The following ABCB4 variants were observed in gnomAD, a reference collection of about 807,000 sequenced individuals.
ABCB4 encodes the protein phosphatidylcholine translocator ABCB4.
A neutral mutation model predicts 145.7 loss-of-function variants in ABCB4; 76 were observed. The observed-to-expected ratio is 0.52, with a 90% CI of 0.43 to 0.63. The LOEUF (loss-of-function observed/expected upper bound fraction) is 0.63, where lower values mean the gene tolerates loss of function less well. Among genes scored for constraint, ABCB4 ranks in the 30% least tolerant of loss-of-function variants. ABCB4 has a pLI of 0.00. For missense variants in ABCB4, 1,234 were observed against 1,553.1 expected, an observed-to-expected ratio of 0.79 and a Z score of 3.45; for synonymous variants, 517 against 566.8, an observed-to-expected ratio of 0.91 and a Z score of 1.25.
intron 12 of ABCB4, among the ~76,000 whole-genome samples, chr7:87,441,628 C>A (rs45484095): frequency 6.6e-6 from 1 of 150,994 alleles, no homozygotes; most frequent in East Asian, 1.9e-4. Context: ...GTCACTCAGG[C>A]TTTGGAGGAG....
At chr7:87,475,517 G>C (rs753603342) in intron 1 of ABCB4, 46 bp from the exon 2 acceptor site, 5 of 1,600,526 alleles carry the variant, frequency 3.1e-6, no homozygotes, top group Non-Finnish European at 3.4e-6. Flanking sequence ...CCTCTCCGGC[G>C]GCCCGGCGCA....
intron 9 of ABCB4, among the ~76,000 whole-genome samples, chr7:87,446,726 G>A (rs942658857): frequency 2.0e-5 from 3 of 152,102 alleles, no homozygotes; most frequent in South Asian, 2.1e-4. Flanking sequence ...AAAACTCAAC[G>A]GCAGAGGGAG....
At chr7:87,475,716 TCGCCCCCGCCCC>T (rs1021396988), upstream of ABCB4, 28 of 428,638 alleles carry the variant, frequency 6.5e-5, no homozygotes, top group African/African-American at 2.2e-4. Flanking sequence ...CGCCGCGGCC[TCGCCCCCGCCCC>T]CGCCCCCGCC....
chr7:87,386,213 T>C, the ABCB4 span, among the ~76,000 whole-genome samples: 2 of 152,206 alleles, frequency 1.3e-5, no homozygotes, highest in African/African-American at 4.8e-5. Flanking sequence ...CCCTCTTCAA[T>C]TTTTTGGAAT....
chr7:87,447,865 G>A (rs1481883394), intron 8 of ABCB4, among the ~76,000 whole-genome samples: 2 of 152,128 alleles, frequency 1.3e-5, no homozygotes, highest in Non-Finnish European at 2.9e-5. Flanking sequence ...ATTTAATAAT[G>A]CCTAATTTGC....
the ABCB4 span, chr7:87,377,417 C>T: frequency 3.7e-6 from 6 of 1,610,488 alleles, no homozygotes; most frequent in Non-Finnish European, 4.2e-6. Context: ...ACTTGATTTC[C>T]TTTTCTAATG....
rs1420991470 is a variant in ABCB4 at position 87,426,854 on chromosome 7, C to T, written c.1960G>A (p.Ala654Thr). 3.7e-6 allele frequency: 6 copies of T among 1,613,644 alleles called. No homozygotes were observed. Among genetic ancestry groups the T allele is most frequent in the South Asian group, 3.3e-5 (3 of 91,066 alleles). Residue 654 changes from alanine (A) to threonine (T), a missense_variant, in exon 16 of 28, where the codon GCC becomes ACC. By Grantham distance (58) the Ala-to-Thr change is moderately conservative. Coordinates refer to ENST00000649586, the MANE Select transcript of ABCB4 (RefSeq NM_000443.4). ...LNDEKAATRMAPNGWKSRLFR... is the reference protein window; with the variant it reads ...LNDEKAATRMTPNGWKSRLFR... Reference sequence around the variant, plus strand: ...AGGCGAGATTTCCAGCCATTTGGGGCCATTCTAGTGGCAGCCTTTTCATCA... The same window carrying T: ...AGGCGAGATTTCCAGCCATTTGGGGTCATTCTAGTGGCAGCCTTTTCATCA...
chr7:87,402,053 A>G lies in ABCB4; in HGVS notation c.*43T>C. ...TATTTTACAAGTCAGATAAAATGGT[A>G]GAATAATTTGAATTTATTTTTAAAA... is the stretch of plus-strand genomic sequence containing the variant. On this transcript the variant is annotated 3_prime_UTR_variant, in exon 28 of 28. Transcript: ENST00000649586. The G allele has an allele frequency of 2.5e-6, 4 of 1,604,252 alleles. No individual in the cohort carries two copies. Among genetic ancestry groups the G allele is most frequent in the Non-Finnish European group, 3.4e-6 (4 of 1,172,506 alleles).
At chr7:87,422,722 G>A (rs1809535360) in intron 17 of ABCB4, among the ~76,000 whole-genome samples, 1 of 152,126 alleles carries the variant, frequency 6.6e-6, no homozygotes, top group African/African-American at 2.4e-5. Flanking sequence ...TCCACCCAGA[G>A]GGGCCTTTCC....
chr7:87,403,799 C>T (rs913187124), intron 26 of ABCB4, among the ~76,000 whole-genome samples: 5 of 152,212 alleles, frequency 3.3e-5, no homozygotes, highest in East Asian at 1.9e-4. Context: ...TTATGTAACA[C>T]AGGACTGTAG....
chr7:87,454,618 T>A (rs1349302901), intron 4 of ABCB4, 26 bp from the exon 5 acceptor site: 3 of 1,551,138 alleles, frequency 1.9e-6, no homozygotes, highest in Non-Finnish European at 2.7e-6. Context: ...AAATAAAACA[T>A]GTTAAAAGAT....
chr7:87,388,037 G>A, the ABCB4 span, among the ~76,000 whole-genome samples: 1 of 152,154 alleles, frequency 6.6e-6, no homozygotes, highest in African/African-American at 2.4e-5. Flanking sequence ...TTACTGGGGA[G>A]CAGGTGGGTG....
At chr7:87,401,369 T>C (rs1196328158), downstream of ABCB4, among the ~76,000 whole-genome samples, 1 of 152,178 alleles carries the variant, frequency 6.6e-6, no homozygotes, top group African/African-American at 2.4e-5. Context: ...AACATACCTT[T>C]CATTGTAGGA....
chr7:87,464,699 T>C (rs1812726582), intron 3 of ABCB4, among the ~76,000 whole-genome samples: 1 of 152,196 alleles, frequency 6.6e-6, no homozygotes, highest in African/African-American at 2.4e-5. Flanking sequence ...AGTTTTATCC[T>C]CAACCTCTTT....
At chr7:87,466,525 T>C (rs1413593128) in intron 3 of ABCB4, among the ~76,000 whole-genome samples, 3 of 152,060 alleles carry the variant, frequency 2.0e-5, no homozygotes, top group Non-Finnish European at 2.9e-5. Context: ...CAGGCCAACA[T>C]TCAAATTCAG....
intron 21 of ABCB4, among the ~76,000 whole-genome samples, chr7:87,415,397 GCTGA>G (rs1464385754): frequency 2.6e-5 from 4 of 152,142 alleles, no homozygotes; most frequent in Admixed American, 2.0e-4. Context: ...TTAAGCAAGT[GCTGA>G]CTGAGTAAAC....
rs144759131 is a variant in ABCB4, at chr7:87,406,362, C to T, written c.3412G>A (p.Val1138Ile). 6.2e-7 allele frequency: 1 copy of T among 1,614,034 alleles called. No individual in the cohort carries two copies. The highest frequency in any genetic ancestry group is 1.1e-5 in the South Asian group (1 of 91,070). Residue 1138 changes from valine (V) to isoleucine (I), a missense_variant, in exon 26 of 28, where the codon GTT (valine) becomes ATT (isoleucine). Around this residue, in one of 7 missense-constraint regions of ABCB4, gnomAD observed 301 missense variants for 389.0 expected, o/e 0.77. Transcript: ENST00000649586. ...CTCACAATTTCATCCTGTGATACAA[C>T]CCGGCTGTTGTCTCCATAGGCAATA... Reference protein sequence around the residue: ...ENIAYGDNSRVVSQDEIVSAA... With the variant: ...ENIAYGDNSRIVSQDEIVSAA...
chr7:87,376,419 A>G, the ABCB4 span, among the ~76,000 whole-genome samples: 1 of 152,206 alleles, frequency 6.6e-6, no homozygotes, highest in South Asian at 2.1e-4. Flanking sequence ...GAACACATTG[A>G]TGTCAGTGAC....
rs1808912931 is a variant in ABCB4 at position 87,415,572 on chromosome 7, T to G, written c.2682+1740A>C. Among the ~76,000 whole-genome samples, 3 of 152,180 alleles carry G rather than the reference T, an allele frequency of 2.0e-5. No homozygotes were observed. The South Asian group carries it at 6.2e-4, about 32-fold the overall frequency. ...ATTTAAACTGGCCAGTCTGAGTTATTCAATCTCTGATGCTTAGAATAACAG... is the reference window on the plus strand; with the variant it reads ...ATTTAAACTGGCCAGTCTGAGTTATGCAATCTCTGATGCTTAGAATAACAG... On this transcript the variant is annotated intron_variant, in intron 21 of 27. Coordinates refer to ENST00000649586, the MANE Select transcript of ABCB4 (RefSeq NM_000443.4).
Sources: gnomAD v4.1 joint callset for allele counts (sites outside exome capture counted in the v4.1 genomes callset) on GRCh38, gnomAD v4.1.1 for gene constraint, gnomAD v4.1.1 regional missense constraint, MANE v1.5 for transcripts, NCBI Gene and HGNC (gene_info 2026-07-23, HGNC 2026-07-21) for gene names.